Variants in P2RX7 observed in about 807,000 individuals in gnomAD.
P2RX7 encodes purinergic receptor P2X 7, also known as P2X purinoceptor 7.
Under a neutral mutation model 71.6 loss-of-function variants are expected in P2RX7, and 62 were observed. The observed-to-expected ratio is 0.87, with a 90% confidence interval of 0.71 to 1.07. The LOEUF (loss-of-function observed/expected upper bound fraction) is 1.07, where lower values mean the gene tolerates loss of function less well. P2RX7 is among the 50% of genes least tolerant of loss of function. P2RX7 has a pLI of 0.00. For synonymous variants in P2RX7, 299 were observed against 283.3 expected (o/e 1.06, Z -0.56); for missense variants, 686 against 748.5 (o/e 0.92, Z 0.97).
intron 1 of P2RX7, among the ~76,000 whole-genome samples, chr12:121,134,353 A>G (rs995983659): frequency 3.9e-5 from 6 of 151,908 alleles, no homozygotes; most frequent in Non-Finnish European, 8.8e-5. Context: ...ATCCTCACCA[A>G]CGCTTGTTAT....
intron 1 of P2RX7, among the ~76,000 whole-genome samples, chr12:121,152,408 A>G (rs1184859424): frequency 1.3e-5 from 2 of 152,134 alleles, no homozygotes; most frequent in African/African-American, 2.4e-5. Flanking sequence ...AGCTTACTAT[A>G]GCCTTGACCT....
At position 121,154,393 on chromosome 12, in the gene P2RX7, G is replaced by A. The variant is rs1878141606; in HGVS notation, c.126-392G>A. Among the ~76,000 whole-genome samples, 1 of 152,168 alleles carries A rather than the reference G, an allele frequency of 6.6e-6. No homozygotes were observed. The highest frequency in any genetic ancestry group is 1.5e-5 in the Non-Finnish European group (1 of 68,028). ...ATGCACCAGATGCAGCCTTAGACTG[G>A]AAGGTGCTGATGTGTTACTGAGCCT... On this transcript the variant is annotated intron_variant, in intron 1 of 12. Coordinates refer to ENST00000328963, the MANE Select transcript of P2RX7 (RefSeq NM_002562.6). The surrounding 1 kb of genome is among the most constrained non-coding windows in gnomAD (Gnocchi z 4.2).
intron 11 of P2RX7, 137 bp from the exon 12 acceptor site, chr12:121,180,217 C>G: frequency 3.3e-6 from 1 of 305,814 alleles, no homozygotes. Context: ...ATCATTAATT[C>G]TTGGTTAATG....
At chr12:121,144,778 A>G (rs1305933777) in intron 1 of P2RX7, among the ~76,000 whole-genome samples, 1 of 152,180 alleles carries the variant, frequency 6.6e-6, no homozygotes, top group Non-Finnish European at 1.5e-5. Context: ...GAATTTGAGC[A>G]TATTAGGAAG....
intron 1 of P2RX7, among the ~76,000 whole-genome samples, chr12:121,148,188 T>TTTTTTTTTTTTA (rs1555223903): frequency 2.1e-5 from 3 of 140,414 alleles, no homozygotes; most frequent in Non-Finnish European, 4.6e-5. Flanking sequence ...CTGGGATCTT[T>TTTTTTTTTTTTA]TTTATTTATT....
intron 1 of P2RX7, among the ~76,000 whole-genome samples, chr12:121,139,091 G>A (rs1874297116): frequency 6.6e-6 from 1 of 152,114 alleles, no homozygotes; most frequent in Non-Finnish European, 1.5e-5. Flanking sequence ...ATTGGTGCAT[G>A]CCACTACACC....
chr12:121,142,914 C>T (rs1460557401), intron 1 of P2RX7, among the ~76,000 whole-genome samples: 1 of 144,540 alleles, frequency 6.9e-6, no homozygotes, highest in African/African-American at 2.6e-5. Context: ...CATGGTGAAA[C>T]CCTGTCTCTA....
At chr12:121,155,432 C>G in intron 2 of P2RX7, 8 of 1,248,496 alleles carry the variant, frequency 6.4e-6, no homozygotes, top group Non-Finnish European at 8.4e-6. Context: ...GCATCGGTCA[C>G]TGAGAGAAGG....
intron 8 of P2RX7, among the ~76,000 whole-genome samples, chr12:121,173,233 C>G (rs1195284888): frequency 6.6e-6 from 1 of 152,072 alleles, no homozygotes; most frequent in Admixed American, 6.6e-5. Flanking sequence ...TCACTCAGGC[C>G]GGAGTGCAGT....
chr12:121,161,790 A>T (rs1879774669), intron 4 of P2RX7, among the ~76,000 whole-genome samples: 1 of 67,386 alleles, frequency 1.5e-5, no homozygotes, highest in Non-Finnish European at 2.6e-5. Context: ...AGACCCCTTT[A>T]AAAAAAAAAA....
intron 3 of P2RX7, among the ~76,000 whole-genome samples, chr12:121,156,994 C>A (rs907327783): frequency 6.6e-6 from 1 of 152,146 alleles, no homozygotes; most frequent in East Asian, 1.9e-4. Flanking sequence ...TCTCTAAAAA[C>A]AAAACAAAAC....
chr12:121,155,417 G>T, intron 2 of P2RX7: 1 of 1,284,354 alleles, frequency 7.8e-7, no homozygotes, highest in Non-Finnish European at 1.0e-6. Context: ...ACAAAAAGAA[G>T]AAAGGCATCG....
At chr12:121,160,118 T>C (rs2136063335) in intron 3 of P2RX7, among the ~76,000 whole-genome samples, 1 of 151,776 alleles carries the variant, frequency 6.6e-6, no homozygotes, top group South Asian at 2.1e-4. Flanking sequence ...TTTCCTTTCT[T>C]TCTTTCTTTT....
At chr12:121,164,830 T>C (rs1359804007) in intron 5 of P2RX7, among the ~76,000 whole-genome samples, 7 of 151,758 alleles carry the variant, frequency 4.6e-5, no homozygotes, top group Non-Finnish European at 1.0e-4. Flanking sequence ...CCAAATACTT[T>C]ACGAAAAAAA....
chr12:121,138,744 T>C (rs1874224498), intron 1 of P2RX7, among the ~76,000 whole-genome samples: 1 of 152,216 alleles, frequency 6.6e-6, no homozygotes, highest in Admixed American at 6.5e-5. Context: ...CTGTGGAGAC[T>C]CCATCAGCAA....
intron 1 of P2RX7, among the ~76,000 whole-genome samples, chr12:121,139,446 C>T (rs1448423410): frequency 2.0e-5 from 3 of 152,332 alleles, no homozygotes; most frequent in East Asian, 1.9e-4. Context: ...GCTGCTGCTT[C>T]GCCACTGCCC....
At chr12:121,163,614 TAGATAGATAG>T (rs2136081531) in intron 5 of P2RX7, among the ~76,000 whole-genome samples, 1 of 72,020 alleles carries the variant, frequency 1.4e-5, no homozygotes, top group South Asian at 2.7e-4. Context: ...GATAGATAGA[TAGATAGATAG>T]ATAGATAGAT....
intron 1 of P2RX7, among the ~76,000 whole-genome samples, chr12:121,145,705 AC>A (rs1315766084): frequency 1.3e-5 from 2 of 151,770 alleles, no homozygotes; most frequent in African/African-American, 2.4e-5. Flanking sequence ...ACGGGGTTTC[AC>A]CATGTTGGCC....
chr12:121,145,226 G>A (rs537505810), intron 1 of P2RX7, among the ~76,000 whole-genome samples: 2 of 152,284 alleles, frequency 1.3e-5, no homozygotes, highest in South Asian at 2.1e-4. Context: ...TAGCCACGGC[G>A]ATCCAGTGAA....
Sources: gnomAD v4.1 joint callset for allele counts (sites outside exome capture counted in the v4.1 genomes callset) on GRCh38, gnomAD v4.1.1 for gene constraint, Gnocchi (gnomAD v3.1) non-coding constraint, MANE v1.5 for transcripts, NCBI Gene and HGNC (gene_info 2026-07-23, HGNC 2026-07-21) for gene names.